ROBO1: variants seen among roughly 807,000 people sequenced by gnomAD.
ROBO1 encodes roundabout homolog 1.
Under a neutral mutation model 195.9 loss-of-function variants are expected in ROBO1, and 149 were observed. That is an observed-to-expected ratio of 0.76 (90% CI 0.67 to 0.87). ROBO1 has a LOEUF of 0.87. Ranked by LOEUF, ROBO1 falls within the 40% of genes least tolerant of loss-of-function variation. ROBO1 has a pLI of 0.00. For synonymous variants in ROBO1, 816 were observed against 733.2 expected, an observed-to-expected ratio of 1.11 and a Z score of -1.82; for missense variants, 1,933 against 2,068.3, an observed-to-expected ratio of 0.93 and a Z score of 1.27.
chr3:78,866,389 G>A (rs1364359061), intron 4 of ROBO1, among the ~76,000 whole-genome samples: 2 of 152,122 alleles, frequency 1.3e-5, no homozygotes, highest in African/African-American at 4.8e-5. Context: ...GGGATGCCTT[G>A]CCCAAAATAA....
chr3:79,531,438 A>G (rs932127700), intron 2 of ROBO1, among the ~76,000 whole-genome samples: 1 of 152,132 alleles, frequency 6.6e-6, no homozygotes, highest in African/African-American at 2.4e-5. Flanking sequence ...GGTGGGCAAC[A>G]TGTCAAAACC....
At chr3:79,425,148 T>A (rs953093268) in intron 2 of ROBO1, among the ~76,000 whole-genome samples, 10 of 152,170 alleles carry the variant, frequency 6.6e-5, no homozygotes, top group African/African-American at 2.4e-4. Context: ...TATGACTATT[T>A]TTTTTCTATT....
At chr3:79,444,220 G>A (rs79227496) in intron 2 of ROBO1, among the ~76,000 whole-genome samples, 11,654 of 151,962 alleles carry the variant, frequency 0.077, 614 homozygotes, top group Non-Finnish European at 0.11. Flanking sequence ...CAAACTGAGA[G>A]AAGACATTAC....
intron 2 of ROBO1, among the ~76,000 whole-genome samples, chr3:79,162,420 G>T (rs1001076649): frequency 6.6e-6 from 1 of 152,042 alleles, no homozygotes; most frequent in Non-Finnish European, 1.5e-5. Context: ...TGGTTTGAGG[G>T]ATATTTTTGC....
chr3:79,196,153 G>A (rs146066258), intron 2 of ROBO1, among the ~76,000 whole-genome samples: 4 of 151,508 alleles, frequency 2.6e-5, no homozygotes, highest in South Asian at 2.1e-4. Context: ...CTGCAATAAC[G>A]TAAGTGATGG....
chr3:78,662,222 G>T, intron 14 of ROBO1, 108 bp from the exon 15 acceptor site: 2 of 897,540 alleles, frequency 2.2e-6, no homozygotes, highest in Non-Finnish European at 3.1e-6. Flanking sequence ...GTAAAGAAGA[G>T]TCCAAGCCAG....
intron 10 of ROBO1, among the ~76,000 whole-genome samples, chr3:78,681,205 G>T (rs1178399224): frequency 6.6e-6 from 1 of 151,720 alleles, no homozygotes; most frequent in Non-Finnish European, 1.5e-5. Context: ...AGTGGGGAGG[G>T]ATAGCATTAG....
At chr3:78,974,512 T>C (rs2076843350) in intron 3 of ROBO1, among the ~76,000 whole-genome samples, 1 of 151,994 alleles carries the variant, frequency 6.6e-6, no homozygotes, top group Admixed American at 6.6e-5. Context: ...CCAAACTCAA[T>C]ATACGAAAAA....
chr3:79,316,679 T>G (rs1235527459), intron 2 of ROBO1, among the ~76,000 whole-genome samples: 2 of 152,028 alleles, frequency 1.3e-5, no homozygotes, highest in Non-Finnish European at 2.9e-5. Context: ...AGTAAATGGG[T>G]TAAGAAAAAT....
chr3:78,660,613 G>A (rs1707333669), intron 16 of ROBO1: 1 of 160,520 alleles, frequency 6.2e-6, no homozygotes, highest in Non-Finnish European at 1.4e-5. Flanking sequence ...AAAGAGATGA[G>A]ATTTAGGAAG....
intron 22 of ROBO1, among the ~76,000 whole-genome samples, chr3:78,639,449 T>C (rs969789087): frequency 6.6e-6 from 1 of 152,084 alleles, no homozygotes; most frequent in Admixed American, 6.6e-5. Flanking sequence ...CTCCAATAAA[T>C]AATAAATAAA....
chr3:78,727,257 A>G (rs2108157464), intron 5 of ROBO1, among the ~76,000 whole-genome samples: 1 of 152,160 alleles, frequency 6.6e-6, no homozygotes, highest in Non-Finnish European at 1.5e-5. Context: ...AATATAAAAG[A>G]AAATACAGTA....
intron 4 of ROBO1, among the ~76,000 whole-genome samples, chr3:78,888,400 A>G (rs1317883383): frequency 6.6e-6 from 1 of 152,198 alleles, no homozygotes; most frequent in African/African-American, 2.4e-5. Context: ...TAAACTATTG[A>G]GCTACTACAA....
At chr3:79,006,335 G>A (rs1020408045) in intron 3 of ROBO1, among the ~76,000 whole-genome samples, 1 of 151,914 alleles carries the variant, frequency 6.6e-6, no homozygotes, top group African/African-American at 2.4e-5. Context: ...CAAAGAAGAG[G>A]GGCAAACACC....
chr3:78,784,621 T>C (rs1284416642), intron 4 of ROBO1, among the ~76,000 whole-genome samples: 1 of 152,140 alleles, frequency 6.6e-6, no homozygotes, highest in East Asian at 1.9e-4. Context: ...ACACGTTCTT[T>C]AAGGAATGTT....
At chr3:79,717,178 A>G (rs1385846349) in intron 1 of ROBO1, among the ~76,000 whole-genome samples, 1 of 150,854 alleles carries the variant, frequency 6.6e-6, no homozygotes, top group African/African-American at 2.5e-5. Context: ...TTTAAATGTG[A>G]CTATTTTGTT....
chr3:78,965,604 G>T (rs1232678266), intron 3 of ROBO1, among the ~76,000 whole-genome samples: 2 of 151,232 alleles, frequency 1.3e-5, no homozygotes, highest in African/African-American at 4.9e-5. Flanking sequence ...TCTTCTTTAA[G>T]TATGTTTATT....
chr3:78,839,818 A>T (rs545671592), intron 4 of ROBO1, among the ~76,000 whole-genome samples: 1 of 152,300 alleles, frequency 6.6e-6, no homozygotes, highest in Non-Finnish European at 1.5e-5. Flanking sequence ...CAGCGACAAA[A>T]GCACAAAATG....
chr3:78,717,690 C>T (rs2081936371), intron 6 of ROBO1, 73 bp downstream of exon 6: 1 of 1,495,260 alleles, frequency 6.7e-7, no homozygotes, highest in Non-Finnish European at 9.0e-7. Context: ...ATTTTTCTTT[C>T]CCCCTTGTAT....
Sources: gnomAD v4.1 joint callset for allele counts (sites outside exome capture counted in the v4.1 genomes callset) on GRCh38, gnomAD v4.1.1 for gene constraint, MANE v1.5 for transcripts, NCBI Gene and HGNC (gene_info 2026-07-23, HGNC 2026-07-21) for gene names.